The following TENT4A variants were observed in gnomAD, a reference collection of about 807,000 sequenced individuals.
The protein encoded by TENT4A is terminal nucleotidyltransferase 4A.
TENT4A carries 7 observed loss-of-function variants against 72.8 expected under a neutral mutation model. The ratio of observed to expected loss-of-function variants is 0.10; its 90% CI spans 0.05 to 0.18. The LOEUF (loss-of-function observed/expected upper bound fraction) is 0.18, where lower values mean the gene tolerates loss of function less well. Ranked by LOEUF, TENT4A falls within the 10% of genes least tolerant of loss-of-function variation. TENT4A has a pLI of 1.00. For synonymous variants in TENT4A, 456 were observed against 434.3 expected (o/e 1.05, Z -0.62); for missense variants, 831 against 1,017.7 (o/e 0.82, Z 2.50).
intron 6 of TENT4A, 75 bp from the exon 7 acceptor site, chr5:6,746,139 C>A: frequency 6.2e-7 from 1 of 1,607,134 alleles, no homozygotes; most frequent in East Asian, 2.2e-5. Flanking sequence ...TGCTGGACAG[C>A]AGACTTCGTC....
chr5:6,727,574 C>T, intron 1 of TENT4A, among the ~76,000 whole-genome samples: 1 of 152,198 alleles, frequency 6.6e-6, no homozygotes, highest in East Asian at 1.9e-4. Context: ...CCCTGTCCTG[C>T]TGTCCATTGT....
chr5:6,755,572 T>G lies in TENT4A; in HGVS notation c.*627T>G, dbSNP rs1742648557. The G allele has an allele frequency of 6.6e-6, 1 of 152,666 alleles. No homozygotes were observed. The highest frequency in any genetic ancestry group is 2.1e-4 in the South Asian group (1 of 4,836). 9.5% of individuals were successfully genotyped at this position (152,666 alleles called of 1,614,324 possible). A position where few individuals can be genotyped will look rare whatever the true frequency, so the allele number is the denominator to read the frequency against. ...GCATTTTCTAAGTTGGGTCATCGTG[T>G]CGGCTGGTTGTCTGACGAGCATCGT... is the stretch of plus-strand genomic sequence containing the variant. On this transcript the variant is annotated 3_prime_UTR_variant, in exon 13 of 13. Coordinates refer to ENST00000230859, the MANE Select transcript of TENT4A (RefSeq NM_006999.6).
chr5:6,745,995 C>G, intron 6 of TENT4A: 1 of 1,373,368 alleles, frequency 7.3e-7, no homozygotes, highest in Non-Finnish European at 9.4e-7. Flanking sequence ...TTTCAAAAAT[C>G]AAACTACACT....
At position 6,718,669 on chromosome 5, in the gene TENT4A, C is replaced by T. The variant is rs539052227; in HGVS notation, c.716+3970C>T. ...GAGGAGTTAATTTCATCAATTAACT[C>T]TTCCAACACTCCTTCCATTTAGTAA... On this transcript the variant is annotated intron_variant, in intron 1 of 12. Coordinates refer to ENST00000230859, the MANE Select transcript of TENT4A (RefSeq NM_006999.6). 5.3e-5 allele frequency among the ~76,000 whole-genome samples: 8 copies of T among 152,340 alleles called. No homozygotes were observed. The South Asian group carries it at 1.7e-3, about 32-fold the overall frequency.
intron 5 of TENT4A, among the ~76,000 whole-genome samples, 174 bp downstream of exon 5, chr5:6,742,771 AGCT>A (rs1240130416): frequency 1.3e-5 from 2 of 152,248 alleles, no homozygotes; most frequent in African/African-American, 4.8e-5. Flanking sequence ...GAAATTACAT[AGCT>A]GTTTTTAAAA....
chr5:6,750,638 G>A (rs1255705865), intron 10 of TENT4A, 135 bp downstream of exon 10: 4 of 808,438 alleles, frequency 4.9e-6, no homozygotes, highest in South Asian at 2.0e-5. Context: ...GAGGTGGGTG[G>A]GGGGCAGCCC....
chr5:6,729,943 T>TGC (rs1741120987), intron 1 of TENT4A, among the ~76,000 whole-genome samples: 1 of 152,168 alleles, frequency 6.6e-6, no homozygotes, highest in African/African-American at 2.4e-5. Context: ...CCTGGTCTGG[T>TGC]GCCTCATTTT....
intron 7 of TENT4A, among the ~76,000 whole-genome samples, chr5:6,747,004 AT>A (rs1742141987): frequency 6.6e-6 from 1 of 152,304 alleles, no homozygotes; most frequent in Admixed American, 6.5e-5. Flanking sequence ...ATTCAGGGGT[AT>A]TTATGTCCTC....
rs1742366784 is a variant in TENT4A at position 6,750,959 on chromosome 5, T to G, written c.1861-80T>G. 6.7e-6 allele frequency: 10 copies of G among 1,491,568 alleles called. No individual in the cohort carries two copies. The Admixed American group carries it at 1.9e-4, about 28-fold the overall frequency. The allele number at this position is 1,491,568 out of a possible 1,614,324, so 92.4% of individuals were successfully genotyped here. ...TTCATAGCCAGCCTGGATGCAGGCG[T>G]TTCTTTTCATAGCTTTAAGGAAGTA... On this transcript the variant is annotated intron_variant, in intron 10 of 12. Transcript: ENST00000230859.
At chr5:6,724,280 G>A (rs756448554) in intron 1 of TENT4A, among the ~76,000 whole-genome samples, 55 of 152,196 alleles carry the variant, frequency 3.6e-4, no homozygotes, top group South Asian at 6.2e-4. Flanking sequence ...GGGCAGAGAT[G>A]GGCCAGTGAC....
chr5:6,714,720 C>A (rs1440870070), intron 1 of TENT4A, 21 bp downstream of exon 1: 2 of 1,154,580 alleles, frequency 1.7e-6, no homozygotes, highest in African/African-American at 1.6e-5. Flanking sequence ...GGGGAGGCCG[C>A]GGGGGCGGGG....
chr5:6,714,049 G>C lies in TENT4A; in HGVS notation c.66G>C (p.Gln22His), dbSNP rs1427201395. Residue 22 changes from glutamine (Q) to histidine (H), a missense_variant, in exon 1 of 13, where the codon CAG (glutamine) becomes CAC (histidine). This residue lies in a region of TENT4A where 302 missense variants were observed against 293.8 expected (regional missense o/e 1.03). Coordinates refer to ENST00000230859, the MANE Select transcript of TENT4A (RefSeq NM_006999.6). ...QKGPANALWM[Q>H]IWETSQGVGR... ...GGCCGGCCAATGCCCTGTGGATGCA[G>C]ATCTGGGAGACCTCGCAGGGCGTGG... 1.1e-5 allele frequency: 11 copies of C among 994,870 alleles called. No individual in the cohort carries two copies. Among genetic ancestry groups the C allele is most frequent in the African/African-American group, 1.8e-5 (1 of 56,916 alleles). The allele number at this position is 994,870 out of a possible 1,614,324, so 61.6% of individuals were successfully genotyped here.
chr5:6,746,786 A>G (rs1319851348), intron 7 of TENT4A, among the ~76,000 whole-genome samples: 3 of 152,232 alleles, frequency 2.0e-5, no homozygotes, highest in African/African-American at 7.2e-5. Flanking sequence ...GTATTTCTCC[A>G]CTTTTTCCCT....
At chr5:6,716,945 A>C (rs1192828669) in intron 1 of TENT4A, among the ~76,000 whole-genome samples, 5 of 152,126 alleles carry the variant, frequency 3.3e-5, no homozygotes, top group African/African-American at 7.2e-5. Flanking sequence ...TCTCTGCCCA[A>C]AGGGGCCTGT....
intron 1 of TENT4A, among the ~76,000 whole-genome samples, chr5:6,726,887 G>A (rs1579459031): frequency 6.6e-6 from 1 of 152,120 alleles, no homozygotes. Context: ...GCGTGGCGGG[G>A]GGTTTTCTCT....
At chr5:6,715,481 C>T (rs891711648) in intron 1 of TENT4A, among the ~76,000 whole-genome samples, 7 of 152,272 alleles carry the variant, frequency 4.6e-5, no homozygotes, top group Middle Eastern at 6.8e-3. Context: ...TGACGCAGCC[C>T]CTTTGCCATT....
At chr5:6,738,589 G>A (rs1741630845) in intron 2 of TENT4A, 94 bp from the exon 3 acceptor site, 1 of 893,610 alleles carries the variant, frequency 1.1e-6, no homozygotes, top group South Asian at 1.4e-5. Context: ...TTTTACCCAA[G>A]GGTATAGTGA....
chr5:6,751,568 A>G (rs1433262783), intron 11 of TENT4A: 3 of 188,194 alleles, frequency 1.6e-5, no homozygotes, highest in African/African-American at 2.3e-5. Context: ...ACTTGTCCCT[A>G]CTTCCTCTCA....
chr5:6,750,944 G>T (rs1192402299), intron 10 of TENT4A, 95 bp from the exon 11 acceptor site: 6 of 1,364,304 alleles, frequency 4.4e-6, no homozygotes, highest in Non-Finnish European at 6.2e-6. Flanking sequence ...TTCATAGCCA[G>T]CCTGGATGCA....
Sources: allele counts gnomAD v4.1 joint callset (sites outside exome capture counted in the v4.1 genomes callset), GRCh38; gene constraint gnomAD v4.1.1; regional missense constraint gnomAD v4.1.1; transcripts MANE v1.5; gene names NCBI Gene and HGNC (gene_info 2026-07-23, HGNC 2026-07-21).